Variants in TMEM9 observed in about 807,000 individuals in gnomAD.
TMEM9 encodes the protein transmembrane protein 9, also known as proton-transporting V-type ATPase complex assembly regulator TMEM9.
A neutral mutation model predicts 22.8 loss-of-function variants in TMEM9; 13 were observed. That is an observed-to-expected ratio of 0.57 (90% CI 0.37 to 0.91). TMEM9 has a LOEUF of 0.91. Ranked by LOEUF, TMEM9 falls within the 40% of genes least tolerant of loss-of-function variation. TMEM9 has a pLI of 0.01. For synonymous variants in TMEM9, 88 were observed against 93.0 expected, an observed-to-expected ratio of 0.95 and a Z score of 0.31; for missense variants, 182 against 238.1, an observed-to-expected ratio of 0.76 and a Z score of 1.55.
At chr1:201,140,685 G>C (rs1450505304) in intron 4 of TMEM9, among the ~76,000 whole-genome samples, 1 of 152,086 alleles carries the variant, frequency 6.6e-6, no homozygotes, top group African/African-American at 2.4e-5. Context: ...CCCCTAACTG[G>C]GTCCCAGACT....
chr1:201,140,643 C>T (rs998300926), intron 4 of TMEM9, among the ~76,000 whole-genome samples: 35 of 152,138 alleles, frequency 2.3e-4, no homozygotes, highest in African/African-American at 8.0e-4. Context: ...GGGTCCCTAA[C>T]CCTGAAAAAA....
At chr1:201,158,715 C>A (rs117004940), upstream of TMEM9, among the ~76,000 whole-genome samples, 87 of 152,282 alleles carry the variant, frequency 5.7e-4, no homozygotes, top group East Asian at 0.015. Context: ...AGCTCTGGAG[C>A]CTTCCACTGC....
upstream of TMEM9, among the ~76,000 whole-genome samples, chr1:201,157,880 A>C (rs1665843344): frequency 6.6e-6 from 1 of 152,136 alleles, no homozygotes; most frequent in African/African-American, 2.4e-5. Flanking sequence ...TGGGCAGAAC[A>C]ATGTCGCACC....
intron 1 of TMEM9, among the ~76,000 whole-genome samples, chr1:201,168,335 C>A (rs1479997747): frequency 6.6e-6 from 1 of 152,092 alleles, no homozygotes; most frequent in Non-Finnish European, 1.5e-5. Flanking sequence ...TTGTATGAAT[C>A]TTGTATGAAT....
intron 1 of TMEM9, among the ~76,000 whole-genome samples, chr1:201,171,106 C>A (rs1197929320): frequency 6.6e-6 from 1 of 152,164 alleles, no homozygotes; most frequent in Non-Finnish European, 1.5e-5. Context: ...CCCCGAGACT[C>A]GGGCCTCCAG....
intron 1 of TMEM9, among the ~76,000 whole-genome samples, chr1:201,160,868 G>A (rs1297425979): frequency 4.0e-5 from 6 of 151,100 alleles, no homozygotes; most frequent in East Asian, 2.0e-4. Context: ...CCCGGGAGGC[G>A]GAGCTTGCAG....
At chr1:201,144,053 C>A in intron 3 of TMEM9, 102 bp from the exon 4 acceptor site, 3 of 1,350,654 alleles carry the variant, frequency 2.2e-6, no homozygotes, top group South Asian at 2.6e-5. Flanking sequence ...AGTGACTCCT[C>A]AAGTGGTGCA....
intron 1 of TMEM9, 61 bp downstream of exon 1, chr1:201,153,797 T>C: frequency 6.2e-7 from 1 of 1,608,508 alleles, no homozygotes; most frequent in Non-Finnish European, 8.5e-7. Context: ...GAGTCAGCCC[T>C]GTAGACAGGG....
At chr1:201,146,962 G>A in intron 2 of TMEM9, 114 bp from the exon 3 acceptor site, 1 of 910,622 alleles carries the variant, frequency 1.1e-6, no homozygotes, top group Admixed American at 2.1e-5. Flanking sequence ...CAAAGGTGAA[G>A]GGTGCTCCCA....
chr1:201,159,814 A>G (rs559044039), intron 1 of TMEM9, among the ~76,000 whole-genome samples: 5 of 152,310 alleles, frequency 3.3e-5, no homozygotes, highest in Admixed American at 3.3e-4. Context: ...TTCTATATAA[A>G]TGCACACACA....
intron 1 of TMEM9, chr1:201,171,399 G>A (rs1330836901): frequency 1.3e-5 from 2 of 152,276 alleles, no homozygotes; most frequent in African/African-American, 4.8e-5. Flanking sequence ...GCAGGAGGCT[G>A]GGTCCTTCTG....
At chr1:201,157,200 C>CA (rs1456856300), upstream of TMEM9, among the ~76,000 whole-genome samples, 7 of 152,204 alleles carry the variant, frequency 4.6e-5, no homozygotes, top group Admixed American at 4.6e-4. Context: ...CAGGGCATCT[C>CA]AAAAAAAGTT....
Position 201,135,461 on chromosome 1 carries a change from A to G in TMEM9, c.*202T>C, listed in dbSNP as rs1059625. ...AACCCCAAAGACCCAAGAAGACAAC[A>G]GAGATCAGAGACCACATCCCTCTTC... On this transcript the variant is annotated 3_prime_UTR_variant, in exon 5 of 5. Coordinates refer to ENST00000367330, the MANE Select transcript of TMEM9 (RefSeq NM_001288565.2). 0.43 allele frequency: 211,010 copies of G among 493,512 alleles called. 47,014 individuals are homozygous for G. Among genetic ancestry groups the G allele is most frequent in the Non-Finnish European group, 0.47 (136,440 of 291,748 alleles). The allele number at this position is 493,512 out of a possible 1,614,324, so 30.6% of individuals were successfully genotyped here.
chr1:201,140,888 C>A (rs1489448568), intron 4 of TMEM9, among the ~76,000 whole-genome samples: 1 of 152,220 alleles, frequency 6.6e-6, no homozygotes, highest in African/African-American at 2.4e-5. Context: ...TGCCTGCCCC[C>A]CAGCCCCATG....
intron 1 of TMEM9, among the ~76,000 whole-genome samples, chr1:201,169,243 T>G (rs1280409502): frequency 6.6e-6 from 1 of 152,180 alleles, no homozygotes; most frequent in East Asian, 1.9e-4. Flanking sequence ...GTTTCCCACT[T>G]ACACAAATAT....
chr1:201,170,951 G>A (rs892613781), intron 1 of TMEM9, among the ~76,000 whole-genome samples: 1 of 152,262 alleles, frequency 6.6e-6, no homozygotes, highest in African/African-American at 2.4e-5. Context: ...CCCGCAGAAT[G>A]AGAACATTTC....
intron 1 of TMEM9, among the ~76,000 whole-genome samples, chr1:201,162,158 AAT>A (rs1665959329): frequency 1.3e-5 from 2 of 151,314 alleles, no homozygotes; most frequent in African/African-American, 4.9e-5. Context: ...GATCTAAACA[AAT>A]ATGCCCAATT....
intron 2 of TMEM9, among the ~76,000 whole-genome samples, chr1:201,148,166 T>C (rs1408130848): frequency 3.3e-5 from 5 of 152,124 alleles, no homozygotes; most frequent in African/African-American, 1.2e-4. Flanking sequence ...AGATCATAGG[T>C]TCCACATCTA....
At chr1:201,138,752 T>C (rs557971124) in intron 4 of TMEM9, among the ~76,000 whole-genome samples, 1 of 152,370 alleles carries the variant, frequency 6.6e-6, no homozygotes, top group African/African-American at 2.4e-5. Flanking sequence ...TCCCCTATTG[T>C]AGCTGCAGAA....
Sources: gnomAD v4.1 joint callset for allele counts (sites outside exome capture counted in the v4.1 genomes callset) on GRCh38, gnomAD v4.1.1 for gene constraint, MANE v1.5 for transcripts, NCBI Gene and HGNC (gene_info 2026-07-23, HGNC 2026-07-21) for gene names.